Variants in PTPRT observed in about 807,000 individuals in gnomAD.
PTPRT encodes the protein protein tyrosine phosphatase receptor type T.
PTPRT carries 56 observed loss-of-function variants against 176.8 expected under a neutral mutation model. The observed-to-expected ratio is 0.32, with a 90% CI of 0.26 to 0.40. PTPRT has a LOEUF of 0.40. Among genes scored for constraint, PTPRT ranks in the 10% least tolerant of loss-of-function variants. The probability of loss-of-function intolerance (pLI) is 1.00; values close to 1 mark genes in which losing one functional copy is unlikely to be tolerated. For synonymous variants in PTPRT, 783 were observed against 739.0 expected (o/e 1.06, Z -0.96); for missense variants, 1,540 against 1,908.2 (o/e 0.81, Z 3.60).
chr20:43,179,476 G>C (rs541886770), intron 1 of PTPRT, among the ~76,000 whole-genome samples: 24 of 152,068 alleles, frequency 1.6e-4, no homozygotes, highest in Non-Finnish European at 3.2e-4. Context: ...CTAATCTATT[G>C]GTGTTTTTTA....
chr20:42,332,647 T>C (rs922143902), intron 11 of PTPRT, among the ~76,000 whole-genome samples: 3 of 152,204 alleles, frequency 2.0e-5, no homozygotes, highest in African/African-American at 7.2e-5. Context: ...AAAACATTTT[T>C]TTTTTTTGAG....
At position 42,423,759 on chromosome 20, in the gene PTPRT, A is replaced by G. The variant is rs995791311; in HGVS notation, c.1560+24461T>C. On this transcript the variant is annotated intron_variant, in intron 9 of 30. Coordinates refer to ENST00000373187, the MANE Select transcript of PTPRT (RefSeq NM_007050.6). ...ATGTTAGAGGCTATGTGAATGTCAC[A>G]TAAGGTAGTTAAATAAATCATGATA... Among the ~76,000 whole-genome samples, 7 of 152,376 alleles carry G rather than the reference A, an allele frequency of 4.6e-5. No individual in the cohort carries two copies. The East Asian group carries it at 1.3e-3, about 29-fold the overall frequency.
chr20:42,533,875 A>G (rs1030865801), intron 7 of PTPRT, among the ~76,000 whole-genome samples: 10 of 152,172 alleles, frequency 6.6e-5, no homozygotes, highest in Non-Finnish European at 1.3e-4. Context: ...AATGGGGGTG[A>G]AGGGTGCATA....
intron 1 of PTPRT, among the ~76,000 whole-genome samples, chr20:43,118,804 C>G (rs1408702424): frequency 6.6e-6 from 1 of 152,214 alleles, no homozygotes; most frequent in African/African-American, 2.4e-5. Flanking sequence ...CAAGATCACA[C>G]AGCTAGTACA....
At chr20:42,938,908 C>T (rs928499593) in intron 1 of PTPRT, among the ~76,000 whole-genome samples, 2 of 152,158 alleles carry the variant, frequency 1.3e-5, no homozygotes, top group Admixed American at 1.3e-4. Context: ...AGTGCTTAGG[C>T]TTAAGAACAG....
intron 1 of PTPRT, among the ~76,000 whole-genome samples, chr20:43,088,759 T>C (rs1195186719): frequency 1.3e-5 from 2 of 152,082 alleles, no homozygotes; most frequent in Non-Finnish European, 2.9e-5. Context: ...TCTGCGAAAC[T>C]TTCAGAACAT....
At chr20:42,279,613 C>T (rs1486785670) in intron 13 of PTPRT, among the ~76,000 whole-genome samples, 9 of 152,276 alleles carry the variant, frequency 5.9e-5, no homozygotes, top group Admixed American at 2.6e-4. Context: ...ACTTTGCAAC[C>T]GTCCAAGCTG....
intron 7 of PTPRT, among the ~76,000 whole-genome samples, chr20:42,560,767 C>T (rs1051933312): frequency 2.0e-5 from 3 of 152,196 alleles, no homozygotes; most frequent in Non-Finnish European, 4.4e-5. Context: ...GTGACTAGGG[C>T]TCCCGCATAA....
chr20:43,136,081 C>G (rs1355570348), intron 1 of PTPRT, among the ~76,000 whole-genome samples: 1 of 152,220 alleles, frequency 6.6e-6, no homozygotes, highest in African/African-American at 2.4e-5. Context: ...TTCTGCTTTT[C>G]AAAGCCAAAT....
intron 1 of PTPRT, among the ~76,000 whole-genome samples, chr20:42,915,064 T>C (rs144800217): frequency 1.3e-3 from 183 of 143,988 alleles, no homozygotes; most frequent in Middle Eastern, 7.5e-3. Flanking sequence ...GAAAAAGATA[T>C]AATTAAGGAA....
At chr20:42,425,424 A>C (rs368793653) in intron 9 of PTPRT, among the ~76,000 whole-genome samples, 16 of 152,320 alleles carry the variant, frequency 1.1e-4, no homozygotes, top group African/African-American at 3.8e-4. Flanking sequence ...TTGTCTTTCC[A>C]TACCTGGCTT....
intron 1 of PTPRT, among the ~76,000 whole-genome samples, chr20:43,185,415 A>G (rs572049434): frequency 1.3e-5 from 2 of 152,322 alleles, no homozygotes; most frequent in Non-Finnish European, 1.5e-5. Flanking sequence ...GGGAGAGTGT[A>G]GGAAGGGAAA....
chr20:42,430,795 C>T (rs751085175), intron 9 of PTPRT, among the ~76,000 whole-genome samples: 7 of 152,174 alleles, frequency 4.6e-5, no homozygotes, highest in East Asian at 1.9e-4. Flanking sequence ...ATGCATGATA[C>T]GCTTTTCACA....
At chr20:42,633,994 A>AT (rs1285013425) in intron 7 of PTPRT, among the ~76,000 whole-genome samples, 2 of 23,408 alleles carry the variant, frequency 8.5e-5, no homozygotes, top group Non-Finnish European at 1.3e-4. Context: ...ATTATATTAT[A>AT]TATATTATAT....
At chr20:42,104,819 T>C in intron 24 of PTPRT, 101 bp from the exon 25 acceptor site, 1 of 1,257,804 alleles carries the variant, frequency 8.0e-7, no homozygotes, top group Non-Finnish European at 1.1e-6. Flanking sequence ...ATAGACATGA[T>C]TTATCAATAT....
intron 16 of PTPRT, among the ~76,000 whole-genome samples, chr20:42,198,833 T>G (rs1991334111): frequency 6.6e-6 from 1 of 152,222 alleles, no homozygotes; most frequent in Admixed American, 6.5e-5. Context: ...ACAGTCATAA[T>G]CTGTGACTCA....
chr20:42,995,152 A>G (rs1984152130), intron 1 of PTPRT, among the ~76,000 whole-genome samples: 1 of 152,262 alleles, frequency 6.6e-6, no homozygotes, highest in South Asian at 2.1e-4. Flanking sequence ...ACTGTGTAAC[A>G]AATTACCCCA....
At chr20:42,678,610 C>T (rs2075549975) in intron 6 of PTPRT, among the ~76,000 whole-genome samples, 1 of 152,180 alleles carries the variant, frequency 6.6e-6, no homozygotes, top group Non-Finnish European at 1.5e-5. Context: ...GGCCTGAAAA[C>T]CCTTTTAAAT....
intron 7 of PTPRT, among the ~76,000 whole-genome samples, chr20:42,571,759 A>G (rs1328665736): frequency 6.6e-6 from 1 of 151,906 alleles, no homozygotes; most frequent in Non-Finnish European, 1.5e-5. Context: ...CCCAACCCCC[A>G]CTGCCCCGGG....
Sources: allele counts gnomAD v4.1 joint callset (sites outside exome capture counted in the v4.1 genomes callset), GRCh38; gene constraint gnomAD v4.1.1; transcripts MANE v1.5; gene names NCBI Gene and HGNC (gene_info 2026-07-23, HGNC 2026-07-21).